Variants in PMFBP1 observed in about 807,000 individuals in gnomAD.
PMFBP1 encodes polyamine modulated factor 1 binding protein 1.
A neutral mutation model predicts 137.8 loss-of-function variants in PMFBP1; 131 were observed. The ratio of observed to expected loss-of-function variants is 0.95; its 90% CI spans 0.82 to 1.10. The LOEUF is 1.10. Ranked by LOEUF, PMFBP1 falls within the 50% of genes least tolerant of loss-of-function variation. The probability of loss-of-function intolerance (pLI) is 0.00; values close to 1 mark genes in which losing one functional copy is unlikely to be tolerated. For synonymous variants in PMFBP1, 490 were observed against 450.4 expected, an observed-to-expected ratio of 1.09 and a Z score of -1.11; for missense variants, 1,199 against 1,175.4, an observed-to-expected ratio of 1.02 and a Z score of -0.29.
At chr16:72,222,644 T>C in the PMFBP1 span, among the ~76,000 whole-genome samples, 1 of 152,312 alleles carries the variant, frequency 6.6e-6, no homozygotes, top group African/African-American at 2.4e-5. Context: ...GATGTTAGAC[T>C]GCCGACTCTC....
chr16:72,184,822 T>C, the PMFBP1 span, among the ~76,000 whole-genome samples: 1 of 152,210 alleles, frequency 6.6e-6, no homozygotes, highest in Non-Finnish European at 1.5e-5. Context: ...TCACTTACCA[T>C]GTCCTGCCTA....
At chr16:72,237,611 C>T in the PMFBP1 span, among the ~76,000 whole-genome samples, 1 of 152,064 alleles carries the variant, frequency 6.6e-6, no homozygotes, top group Non-Finnish European at 1.5e-5. Context: ...TTTGTATCTA[C>T]TTGATCCTAG....
chr16:72,135,496 C>T (rs887380271), intron 9 of PMFBP1, among the ~76,000 whole-genome samples: 13 of 151,642 alleles, frequency 8.6e-5, no homozygotes, highest in African/African-American at 2.7e-4. Context: ...GGATTACAAG[C>T]GTGGGCCACC....
At position 72,119,275 on chromosome 16, in the gene PMFBP1, T is replaced by C. The variant is rs1283832727; in HGVS notation, c.*63A>G. ...ATCCAGGTCAAGAGAGAGGGAGGGCTGGGAACTCACTGTCCTCTGAAGAAA... is the reference window on the plus strand; with the variant it reads ...ATCCAGGTCAAGAGAGAGGGAGGGCCGGGAACTCACTGTCCTCTGAAGAAA... On this transcript the variant is annotated 3_prime_UTR_variant, in exon 21 of 21. Coordinates refer to ENST00000237353, the MANE Select transcript of PMFBP1 (RefSeq NM_031293.3). 1.9e-6 allele frequency: 3 copies of C among 1,547,048 alleles called. No homozygotes were observed. In the African/African-American group the frequency reaches 4.1e-5, roughly 21 times the overall value.
chr16:72,234,123 C>T, the PMFBP1 span, among the ~76,000 whole-genome samples: 11 of 152,126 alleles, frequency 7.2e-5, no homozygotes, highest in East Asian at 2.1e-3. Flanking sequence ...TCATTTGGTC[C>T]CTATATATTT....
At chr16:72,170,228 C>T (rs561728744) in intron 2 of PMFBP1, among the ~76,000 whole-genome samples, 46 of 151,288 alleles carry the variant, frequency 3.0e-4, no homozygotes, top group Non-Finnish European at 5.9e-4. Flanking sequence ...ATACGAGATC[C>T]TTGTTCCCCA....
chr16:72,190,300 T>C, the PMFBP1 span, among the ~76,000 whole-genome samples: 1 of 152,160 alleles, frequency 6.6e-6, no homozygotes, highest in Non-Finnish European at 1.5e-5. Flanking sequence ...ACGAAATTCC[T>C]CCCATGGTTA....
At chr16:72,176,502 A>C (rs1342850615), upstream of PMFBP1, among the ~76,000 whole-genome samples, 2 of 152,242 alleles carry the variant, frequency 1.3e-5, no homozygotes, top group Non-Finnish European at 2.9e-5. Flanking sequence ...TCAATGAGAC[A>C]TAAAATGGAG....
chr16:72,229,615 A>G, the PMFBP1 span, among the ~76,000 whole-genome samples: 1 of 152,060 alleles, frequency 6.6e-6, no homozygotes, highest in Admixed American at 6.6e-5. Context: ...AGTGACATTG[A>G]GTATTTTTTC....
chr16:72,190,007 G>T, the PMFBP1 span, among the ~76,000 whole-genome samples: 2 of 152,044 alleles, frequency 1.3e-5, no homozygotes, highest in Non-Finnish European at 2.9e-5. Context: ...TTGTTAGAAT[G>T]CAAAATTCTG....
At chr16:72,232,525 C>G in the PMFBP1 span, among the ~76,000 whole-genome samples, 1 of 152,144 alleles carries the variant, frequency 6.6e-6, no homozygotes, top group Admixed American at 6.6e-5. Context: ...CACTTAAAAT[C>G]TTGTTTACAG....
chr16:72,119,861 G>A lies in PMFBP1; in HGVS notation c.2997C>T (p.Pro999=). Reference sequence around the variant, plus strand: ...AAATGGCAGACGTACCCGGGCAGTGGGGCATCCCGATGTACTTGGTGAGGT... The same window carrying A: ...AAATGGCAGACGTACCCGGGCAGTGAGGCATCCCGATGTACTTGGTGAGGT... ...RMDLTKYIGM[P]HCPGSSYC is the part of the protein sequence containing the mutation. Residue 999 remains proline (P), a synonymous_variant, in exon 20 of 21, where the codon CCC becomes CCT. Transcript: ENST00000237353. 2.5e-6 allele frequency: 4 copies of A among 1,613,972 alleles called. No homozygotes were observed. The highest frequency in any genetic ancestry group is 3.4e-6 in the Non-Finnish European group (4 of 1,179,958).
At position 72,171,266 on chromosome 16, in the gene PMFBP1, A is replaced by T; in HGVS notation, c.-58T>A. 1 of 1,582,516 alleles carries T rather than the reference A, an allele frequency of 6.3e-7. No homozygotes were observed. Among genetic ancestry groups the T allele is most frequent in the Non-Finnish European group, 8.7e-7 (1 of 1,153,584 alleles). ...TTAGTATTTTCTGAGCTTTGTTATA[A>T]ACCTGAAAAAGTCCAAGTATTTAAG... On this transcript the variant is annotated splice_region_variant and 5_prime_UTR_variant, in exon 2 of 21. Coordinates refer to ENST00000237353, the MANE Select transcript of PMFBP1 (RefSeq NM_031293.3).
chr16:72,176,991 C>G (rs1266947190), upstream of PMFBP1: 1 of 152,192 alleles, frequency 6.6e-6, no homozygotes, highest in Non-Finnish European at 1.5e-5. Flanking sequence ...TCACTTTCTC[C>G]TTCTCTATTT....
chr16:72,198,086 T>G, the PMFBP1 span, among the ~76,000 whole-genome samples: 3 of 152,190 alleles, frequency 2.0e-5, no homozygotes, highest in Non-Finnish European at 2.9e-5. Context: ...TTTGCCTTTT[T>G]CATAAATAAA....
the PMFBP1 span, among the ~76,000 whole-genome samples, chr16:72,246,868 G>A: frequency 6.6e-6 from 1 of 152,074 alleles, no homozygotes; most frequent in Non-Finnish European, 1.5e-5. Flanking sequence ...AGAGAGGGAA[G>A]GAATATCCTC....
At chr16:72,125,553 G>A in intron 15 of PMFBP1, 148 bp from the exon 16 acceptor site, 1 of 920,514 alleles carries the variant, frequency 1.1e-6, no homozygotes, top group Non-Finnish European at 1.6e-6. Context: ...AGAGAGGGGT[G>A]GGAAATGACA....
intron 3 of PMFBP1, among the ~76,000 whole-genome samples, chr16:72,162,271 T>G (rs1309758757): frequency 2.0e-5 from 3 of 152,142 alleles, no homozygotes; most frequent in African/African-American, 7.2e-5. Context: ...GCCCATGAAT[T>G]TTGCACCTTA....
At chr16:72,191,250 T>C in the PMFBP1 span, among the ~76,000 whole-genome samples, 1 of 152,224 alleles carries the variant, frequency 6.6e-6, no homozygotes, top group Admixed American at 6.5e-5. Flanking sequence ...GCGCAGGGTA[T>C]AGTTAAAGGT....
Sources: allele counts gnomAD v4.1 joint callset (sites outside exome capture counted in the v4.1 genomes callset), GRCh38; gene constraint gnomAD v4.1.1; transcripts MANE v1.5; gene names NCBI Gene and HGNC (gene_info 2026-07-23, HGNC 2026-07-21).